The following USH2A variants were observed in gnomAD, a reference collection of about 807,000 sequenced individuals.
The protein encoded by USH2A is usherin, also known as Usher syndrome 2A (autosomal recessive, mild).
In USH2A, 443 loss-of-function variants were observed where a neutral mutation model predicts 538.9. The observed-to-expected ratio is 0.82, with a 90% CI of 0.76 to 0.89. The LOEUF (loss-of-function observed/expected upper bound fraction) is 0.89. USH2A is among the 40% of genes least tolerant of loss of function. The pLI, the probability that USH2A is intolerant of heterozygous loss-of-function variation, is 0.00. For missense variants in USH2A, 6,633 were observed against 6,324.8 expected, an observed-to-expected ratio of 1.05 and a Z score of -1.65; for synonymous variants, 2,413 against 2,273.5, an observed-to-expected ratio of 1.06 and a Z score of -1.75.
intron 9 of USH2A, among the ~76,000 whole-genome samples, chr1:216,303,243 C>A (rs1460157930): frequency 1.3e-5 from 2 of 151,948 alleles, no homozygotes; most frequent in East Asian, 3.9e-4. Context: ...TTATTGCAAC[C>A]ATAATAATTT....
intron 4 of USH2A, among the ~76,000 whole-genome samples, chr1:216,335,790 T>A (rs2037957990): frequency 6.6e-6 from 1 of 151,624 alleles, no homozygotes; most frequent in Non-Finnish European, 1.5e-5. Flanking sequence ...TTTTAAAAAT[T>A]TCCACAAAGA....
chr1:215,836,468 AT>A lies in USH2A; in HGVS notation c.9371+1522del, dbSNP rs1558119703. ...CTATGTGTGTGTGTATATATATTAT[AT>A]ATATATATATAATATATATTATATA... On this transcript the variant is annotated intron_variant, in intron 47 of 71. Coordinates refer to ENST00000307340, the MANE Select transcript of USH2A (RefSeq NM_206933.4). Among the ~76,000 whole-genome samples, 17 of 13,542 alleles carry A rather than the reference AT, an allele frequency of 1.3e-3. 1 individual carries two copies. Among genetic ancestry groups the A allele is most frequent in the African/African-American group, 2.3e-3 (15 of 6,654 alleles). The allele number at this position is 13,542 out of a possible 152,430, so 8.9% of individuals were successfully genotyped here.
intron 21 of USH2A, among the ~76,000 whole-genome samples, chr1:216,163,434 T>C (rs999257716): frequency 1.3e-5 from 2 of 152,048 alleles, no homozygotes; most frequent in Non-Finnish European, 2.9e-5. Context: ...AATACATATT[T>C]CCATATATCT....
At chr1:216,176,521 G>C (rs1039987818) in intron 20 of USH2A, among the ~76,000 whole-genome samples, 1 of 152,110 alleles carries the variant, frequency 6.6e-6, no homozygotes, top group Non-Finnish European at 1.5e-5. Flanking sequence ...CACCCAAATG[G>C]TTCATTTGCT....
At chr1:216,176,999 G>T (rs2034399457) in intron 20 of USH2A, among the ~76,000 whole-genome samples, 1 of 152,160 alleles carries the variant, frequency 6.6e-6, no homozygotes, top group Non-Finnish European at 1.5e-5. Flanking sequence ...TGTGAATAAA[G>T]CTGCTATGAT....
At chr1:215,782,233 A>G (rs779522378) in intron 53 of USH2A, 37 bp from the exon 54 acceptor site, 2 of 1,606,098 alleles carry the variant, frequency 1.2e-6, no homozygotes, top group African/African-American at 1.3e-5. Flanking sequence ...TTTGAATGTG[A>G]TATCATTTTA....
intron 15 of USH2A, among the ~76,000 whole-genome samples, chr1:216,209,926 A>T (rs1276614123): frequency 6.6e-6 from 1 of 152,124 alleles, no homozygotes; most frequent in Non-Finnish European, 1.5e-5. Context: ...TCCCCAAGGC[A>T]GGCCAGGGAA....
intron 50 of USH2A, among the ~76,000 whole-genome samples, chr1:215,796,564 G>A (rs1219669380): frequency 6.6e-6 from 1 of 152,058 alleles, no homozygotes; most frequent in Non-Finnish European, 1.5e-5. Context: ...TGTTCTGACT[G>A]TTTCACAGAC....
intron 21 of USH2A, among the ~76,000 whole-genome samples, chr1:216,138,247 A>T (rs1198669740): frequency 6.6e-6 from 1 of 152,216 alleles, no homozygotes; most frequent in Non-Finnish European, 1.5e-5. Context: ...GCCTCTTAAC[A>T]AATTGCTGTT....
chr1:216,288,729 T>G (rs1435380451), intron 11 of USH2A, among the ~76,000 whole-genome samples: 1 of 152,192 alleles, frequency 6.6e-6, no homozygotes, highest in African/African-American at 2.4e-5. Flanking sequence ...GTAGGATACA[T>G]GAACTGAGGT....
intron 67 of USH2A, among the ~76,000 whole-genome samples, chr1:215,644,716 A>G (rs1656792865): frequency 6.6e-6 from 1 of 152,212 alleles, no homozygotes. Flanking sequence ...ATATATCAGT[A>G]TGGAGGCCAA....
intron 47 of USH2A, among the ~76,000 whole-genome samples, chr1:215,833,255 A>T (rs1172443068): frequency 6.6e-6 from 1 of 151,968 alleles, no homozygotes; most frequent in Non-Finnish European, 1.5e-5. Flanking sequence ...AATGATTTTT[A>T]TAAAGGTCAA....
At chr1:215,927,604 C>T (rs1666266517) in intron 38 of USH2A, among the ~76,000 whole-genome samples, 1 of 152,034 alleles carries the variant, frequency 6.6e-6, no homozygotes, top group Admixed American at 6.6e-5. Flanking sequence ...ATGGTGGTTA[C>T]AGTGGAAACT....
chr1:215,814,445 T>G (rs1204005061), intron 48 of USH2A, among the ~76,000 whole-genome samples: 1 of 151,956 alleles, frequency 6.6e-6, no homozygotes, highest in Non-Finnish European at 1.5e-5. Context: ...CAGAAGAAGT[T>G]AATTAAATTT....
chr1:216,280,147 A>G (rs2036746393), intron 11 of USH2A, among the ~76,000 whole-genome samples: 1 of 151,534 alleles, frequency 6.6e-6, no homozygotes, highest in African/African-American at 2.4e-5. Context: ...AGATGAGGAA[A>G]TGGAAAAGGA....
At chr1:216,009,451 A>T (rs1245464477) in intron 32 of USH2A, among the ~76,000 whole-genome samples, 1 of 152,154 alleles carries the variant, frequency 6.6e-6, no homozygotes, top group Non-Finnish European at 1.5e-5. Flanking sequence ...ATCCTGCAAG[A>T]TCTAAATAAT....
At chr1:215,842,392 C>T (rs1424380611) in intron 46 of USH2A, among the ~76,000 whole-genome samples, 2 of 152,156 alleles carry the variant, frequency 1.3e-5, no homozygotes, top group African/African-American at 4.8e-5. Context: ...TTGTGAAAGA[C>T]AGTGTGGTGG....
chr1:216,007,228 C>A (rs1417654935), intron 32 of USH2A, among the ~76,000 whole-genome samples: 1 of 152,114 alleles, frequency 6.6e-6, no homozygotes, highest in Admixed American at 6.6e-5. Context: ...ATTACACAGT[C>A]TCGGGTATGT....
At chr1:215,951,912 C>T (rs991879932) in intron 37 of USH2A, among the ~76,000 whole-genome samples, 36 of 151,380 alleles carry the variant, frequency 2.4e-4, no homozygotes, top group Non-Finnish European at 4.7e-4. Flanking sequence ...GGCTGGACTG[C>T]GGACTGCAGT....
Sources: allele counts gnomAD v4.1 joint callset (sites outside exome capture counted in the v4.1 genomes callset), GRCh38; gene constraint gnomAD v4.1.1; transcripts MANE v1.5; gene names NCBI Gene and HGNC (gene_info 2026-07-23, HGNC 2026-07-21).